MX2: variants seen among roughly 807,000 people sequenced by gnomAD.
The protein encoded by MX2 is MX dynamin like GTPase 2, also known as interferon-induced GTP-binding protein Mx2.
In MX2, 51 loss-of-function variants were observed where a neutral mutation model predicts 74.0. The observed-to-expected ratio is 0.69, with a 90% CI of 0.55 to 0.87. The LOEUF (loss-of-function observed/expected upper bound fraction) is 0.87, where lower values mean the gene tolerates loss of function less well. Among genes scored for constraint, MX2 ranks in the 40% least tolerant of loss-of-function variants. The pLI, the probability that MX2 is intolerant of heterozygous loss-of-function variation, is 0.00. For synonymous variants in MX2, 369 were observed against 339.3 expected, an observed-to-expected ratio of 1.09 and a Z score of -0.96; for missense variants, 832 against 908.7, an observed-to-expected ratio of 0.92 and a Z score of 1.09.
intron 1 of MX2, chr21:41,365,203 ATTTG>A (rs3037008): frequency 0.63 from 95,867 of 150,972 alleles, 31,362 homozygotes; most frequent in East Asian, 0.99. Context: ...AAACAGGAAA[ATTTG>A]TTTGTTTGTT....
chr21:41,376,043 G>A (rs955995799), intron 1 of MX2, among the ~76,000 whole-genome samples: 5 of 152,192 alleles, frequency 3.3e-5, no homozygotes, highest in African/African-American at 1.2e-4. Flanking sequence ...CTGAGTGCAG[G>A]CCACAGCCTG....
At chr21:41,406,667 A>G in intron 12 of MX2, 77 bp from the exon 13 acceptor site, 1 of 1,437,916 alleles carries the variant, frequency 7.0e-7, no homozygotes, top group Non-Finnish European at 9.5e-7. Context: ...GTTCAACATA[A>G]TAGTACTTCC....
rs377089605 is a variant in MX2 at position 41,377,175 on chromosome 21, G to A, written c.249+20G>A. 1.7e-5 allele frequency: 28 copies of A among 1,612,320 alleles called. No homozygotes were observed. The highest frequency in any genetic ancestry group is 2.2e-5 in the South Asian group (2 of 91,016). On this transcript the variant is annotated intron_variant, in intron 2 of 13. Transcript: ENST00000330714. Reference sequence around the variant, plus strand: ...GCAATGGTAAGCCCGGTGGAGGGACGTTCAGAAAGGGTGCATTCTGGCTGC... The same window carrying A: ...GCAATGGTAAGCCCGGTGGAGGGACATTCAGAAAGGGTGCATTCTGGCTGC...
chr21:41,376,307 A>T (rs1451665135), intron 1 of MX2, among the ~76,000 whole-genome samples: 1 of 152,170 alleles, frequency 6.6e-6, no homozygotes, highest in Non-Finnish European at 1.5e-5. Flanking sequence ...GCTGAGGCGG[A>T]CGGATTGCTT....
chr21:41,408,216 A>G lies in MX2; in HGVS notation c.2131A>G (p.Ser711Gly), dbSNP rs1209052026. ...QARHALCQFS[S>G]KEIH ...GCGACACGCACTCTGTCAATTCTCCAGCAAAGAGATCCACTGAAGGGCGGC... is the reference window on the plus strand; with the variant it reads ...GCGACACGCACTCTGTCAATTCTCCGGCAAAGAGATCCACTGAAGGGCGGC... The change falls in exon 14 of 14, where the codon AGC becomes GGC. Residue 711 changes from serine (S) to glycine (G), a missense_variant. Ser to Gly is a moderately conservative substitution (Grantham distance 56, BLOSUM62 0). Coordinates refer to ENST00000330714, the MANE Select transcript of MX2 (RefSeq NM_002463.2). 4 of 1,614,170 alleles carry G rather than the reference A, an allele frequency of 2.5e-6. No homozygotes were observed. The highest frequency in any genetic ancestry group is 3.4e-6 in the Non-Finnish European group (4 of 1,180,006).
In MX2 at chr21:41,403,314, G is replaced by A. The variant is rs1170842674; in HGVS notation, c.1621G>A (p.Glu541Lys). ...TAACGTGGCCAAAAAACATTTTGGCGAATTTTTCAACCTTAACCAAACTGT... is the reference window on the plus strand; with the variant it reads ...TAACGTGGCCAAAAAACATTTTGGCAAATTTTTCAACCTTAACCAAACTGT... ...FINVAKKHFGEFFNLNQTVQS... is the reference protein window; with the variant it reads ...FINVAKKHFGKFFNLNQTVQS... The change falls in exon 12 of 14, where the codon GAA becomes AAA. Residue 541 changes from glutamate to lysine, a missense_variant. Transcript: ENST00000330714. 5.6e-6 allele frequency: 9 copies of A among 1,613,620 alleles called. No individual in the cohort carries two copies. Among genetic ancestry groups the A allele is most frequent in the African/African-American group, 2.7e-5 (2 of 74,796 alleles).
rs187720110 is a variant in MX2 at position 41,381,521 on chromosome 21, T to C, written c.578-889T>C. On this transcript the variant is annotated intron_variant, in intron 4 of 13. Transcript: ENST00000330714. ...TAACATGGTGAAACCCCGTCTCTTC[T>C]AAAAATACAAAAAATTAGCCGGGCG... 7.2e-3 allele frequency among the ~76,000 whole-genome samples: 1,096 copies of C among 151,870 alleles called. 18 individuals carry two copies. Among genetic ancestry groups the C allele is most frequent in the African/African-American group, 0.025 (1,034 of 41,422 alleles).
chr21:41,405,736 A>C (rs1601437840), intron 12 of MX2, among the ~76,000 whole-genome samples: 3 of 120,094 alleles, frequency 2.5e-5, no homozygotes, highest in African/African-American at 3.3e-5. Flanking sequence ...ATGGAGTCTC[A>C]CTCTGTCACC....
At chr21:41,394,932 AAAAG>A (rs975604083) in intron 6 of MX2, among the ~76,000 whole-genome samples, 6 of 147,956 alleles carry the variant, frequency 4.1e-5, no homozygotes, top group East Asian at 3.9e-4. Context: ...TCCATCTCAA[AAAAG>A]AAAGAGAGAG....
At chr21:41,381,237 G>A (rs1428099214) in intron 4 of MX2, among the ~76,000 whole-genome samples, 2 of 152,222 alleles carry the variant, frequency 1.3e-5, no homozygotes, top group Non-Finnish European at 1.5e-5. Flanking sequence ...GCCCACCACA[G>A]CTACTGTGGT....
chr21:41,374,707 G>C (rs941864527), intron 1 of MX2, among the ~76,000 whole-genome samples: 1 of 151,916 alleles, frequency 6.6e-6, no homozygotes. Context: ...CAGGTTGCTC[G>C]AGGGAGAAAC....
chr21:41,403,366 C>G (rs1280215244), intron 12 of MX2, 23 bp downstream of exon 12: 6 of 1,576,884 alleles, frequency 3.8e-6, no homozygotes, highest in Non-Finnish European at 5.2e-6. Flanking sequence ...AGTTCACTTG[C>G]TAGTCACCTG....
In MX2 at chr21:41,380,100, A is replaced by T; in HGVS notation, c.526A>T (p.Thr176Ser). 6.2e-7 allele frequency: 1 copy of T among 1,614,016 alleles called. No homozygotes were observed. Among genetic ancestry groups the T allele is most frequent in the Non-Finnish European group, 8.5e-7 (1 of 1,179,880 alleles). The stretch of plus-strand genomic sequence containing the variant: ...GGCCGGAAGGATCAGCTACCGGAAC[A>T]CCGAGCTAGAGCTTCAGGACCCTGG... ...AWAGRISYRN[T>S]ELELQDPGQV... Residue 176 changes from threonine (T) to serine (S), a missense_variant, in exon 4 of 14, where the codon ACC (threonine) becomes TCC (serine). Thr to Ser is a moderately conservative substitution (Grantham distance 58). Coordinates refer to ENST00000330714, the MANE Select transcript of MX2 (RefSeq NM_002463.2). This position sits in a 1 kb window ranked among gnomAD's most constrained non-coding sequence, Gnocchi z 4.3.
chr21:41,407,070 G>A, intron 13 of MX2, 72 bp downstream of exon 13: 2 of 1,519,698 alleles, frequency 1.3e-6, no homozygotes, highest in Non-Finnish European at 1.8e-6. Flanking sequence ...TGCTAACCTA[G>A]AGAGGCTTTG....
chr21:41,407,873 A>C, intron 13 of MX2, 118 bp from the exon 14 acceptor site: 3 of 1,343,518 alleles, frequency 2.2e-6, no homozygotes, highest in Non-Finnish European at 3.1e-6. Context: ...GGTGGGCGAG[A>C]CCACCAGGGC....
intron 7 of MX2, 28 bp from the exon 8 acceptor site, chr21:41,397,585 G>C (rs761404065): frequency 6.2e-7 from 1 of 1,602,450 alleles, no homozygotes; most frequent in South Asian, 1.1e-5. Context: ...AGTCCTTCCT[G>C]AATGCATGAA....
chr21:41,393,218 T>A (rs562429071), intron 6 of MX2, among the ~76,000 whole-genome samples: 42 of 148,572 alleles, frequency 2.8e-4, no homozygotes, highest in African/African-American at 1.0e-3. Flanking sequence ...GATTATAATA[T>A]AACAGTGGCT....
At chr21:41,406,495 G>A (rs920575355) in intron 12 of MX2, among the ~76,000 whole-genome samples, 10 of 152,240 alleles carry the variant, frequency 6.6e-5, no homozygotes, top group African/African-American at 2.2e-4. Context: ...AGGAGGGACT[G>A]GGGATGGCCA....
intron 1 of MX2, among the ~76,000 whole-genome samples, chr21:41,372,209 T>A (rs2089335228): frequency 6.6e-6 from 1 of 152,222 alleles, no homozygotes; most frequent in Admixed American, 6.5e-5. Context: ...GAGATAGGAC[T>A]CTACCACTTC....
Sources: gnomAD v4.1 joint callset for allele counts (sites outside exome capture counted in the v4.1 genomes callset) on GRCh38, gnomAD v4.1.1 for gene constraint, Gnocchi (gnomAD v3.1) non-coding constraint, MANE v1.5 for transcripts, NCBI Gene and HGNC (gene_info 2026-07-23, HGNC 2026-07-21) for gene names.